ADGRL3: variants seen among roughly 807,000 people sequenced by gnomAD.
The protein encoded by ADGRL3 is calcium-independent alpha-latrotoxin receptor 3.
ADGRL3 carries 62 observed loss-of-function variants against 153.5 expected under a neutral mutation model. That is an observed-to-expected ratio of 0.40 (90% confidence interval 0.33 to 0.50). The LOEUF (loss-of-function observed/expected upper bound fraction) is 0.50. ADGRL3 is among the 20% of genes least tolerant of loss of function. The probability of loss-of-function intolerance (pLI) is 0.47; values close to 1 mark genes in which losing one functional copy is unlikely to be tolerated. For missense variants in ADGRL3, 1,641 were observed against 1,859.4 expected (o/e 0.88, Z 2.16); for synonymous variants, 710 against 672.5 (o/e 1.06, Z -0.86).
chr4:61,423,953 A>C (rs948859518), intron 2 of ADGRL3, among the ~76,000 whole-genome samples: 1 of 152,178 alleles, frequency 6.6e-6, no homozygotes, highest in African/African-American at 2.4e-5. Context: ...GAAGGAGGCC[A>C]ATAAGGGTGA....
intron 5 of ADGRL3, among the ~76,000 whole-genome samples, chr4:61,620,243 A>G (rs890361467): frequency 6.6e-6 from 1 of 152,164 alleles, no homozygotes; most frequent in African/African-American, 2.4e-5. Flanking sequence ...TAAGACATAC[A>G]TCCTAGGGCA....
intron 1 of ADGRL3, among the ~76,000 whole-genome samples, chr4:61,290,978 A>C (rs886771376): frequency 6.6e-6 from 1 of 152,042 alleles, no homozygotes; most frequent in Admixed American, 6.6e-5. Context: ...CTGGATTGCT[A>C]TCTTTAAGTC....
intron 5 of ADGRL3, among the ~76,000 whole-genome samples, chr4:61,671,018 CAG>C (rs1326890887): frequency 6.6e-6 from 1 of 152,172 alleles, no homozygotes; most frequent in South Asian, 2.1e-4. Flanking sequence ...AGCTACATAA[CAG>C]GGGTGGTACA....
intron 5 of ADGRL3, among the ~76,000 whole-genome samples, chr4:61,675,317 C>T (rs2095149463): frequency 1.3e-5 from 2 of 151,722 alleles, no homozygotes; most frequent in South Asian, 4.1e-4. Context: ...TATTATATTT[C>T]TGAAATGAAT....
chr4:61,565,225 T>TAC (rs1171350174), intron 4 of ADGRL3, among the ~76,000 whole-genome samples: 1 of 152,144 alleles, frequency 6.6e-6, no homozygotes, highest in Non-Finnish European at 1.5e-5. Context: ...TGTATGTATA[T>TAC]ACACACACAT....
chr4:61,477,777 CTA>C (rs1388571251), intron 2 of ADGRL3, among the ~76,000 whole-genome samples: 2 of 151,886 alleles, frequency 1.3e-5, no homozygotes, highest in Non-Finnish European at 2.9e-5. Flanking sequence ...GTCTTTATCT[CTA>C]TTATTTTTAA....
At chr4:61,706,425 C>CAAA (rs56955396) in intron 6 of ADGRL3, among the ~76,000 whole-genome samples, 3 of 130,050 alleles carry the variant, frequency 2.3e-5, no homozygotes, top group Non-Finnish European at 3.3e-5. Flanking sequence ...GACTCCCTCT[C>CAAA]AAAAAAAAAA....
At chr4:61,214,794 C>G (rs1468953366) in intron 1 of ADGRL3, among the ~76,000 whole-genome samples, 5 of 152,036 alleles carry the variant, frequency 3.3e-5, no homozygotes, top group Non-Finnish European at 7.4e-5. Flanking sequence ...AAAAATTAAG[C>G]AGGCATTAGG....
chr4:61,494,944 C>T (rs186481547), intron 2 of ADGRL3, among the ~76,000 whole-genome samples: 1 of 152,182 alleles, frequency 6.6e-6, no homozygotes, highest in East Asian at 1.9e-4. Flanking sequence ...TGCTATAGCA[C>T]CTACCACATG....
chr4:61,562,271 C>G (rs2098798226), intron 4 of ADGRL3, among the ~76,000 whole-genome samples: 1 of 152,046 alleles, frequency 6.6e-6, no homozygotes, highest in Non-Finnish European at 1.5e-5. Context: ...AGGATCTTTC[C>G]CTGATGCTGA....
At chr4:61,754,023 G>T (rs1014313290) in intron 8 of ADGRL3, among the ~76,000 whole-genome samples, 1 of 152,184 alleles carries the variant, frequency 6.6e-6, no homozygotes. Flanking sequence ...TCCTGAGCCT[G>T]CCGGGAAGTG....
chr4:61,881,626 C>A (rs1164423167), intron 9 of ADGRL3, among the ~76,000 whole-genome samples: 1 of 152,194 alleles, frequency 6.6e-6, no homozygotes, highest in African/African-American at 2.4e-5. Context: ...GATCTGCCTG[C>A]CTCGGCCGCC....
At chr4:61,220,702 A>G (rs1277821613) in intron 1 of ADGRL3, among the ~76,000 whole-genome samples, 2 of 152,222 alleles carry the variant, frequency 1.3e-5, no homozygotes, top group East Asian at 1.9e-4. Context: ...GTTGCTTTCA[A>G]TCTTCAGGGA....
At chr4:61,756,980 A>G (rs990454762) in intron 8 of ADGRL3, among the ~76,000 whole-genome samples, 13 of 152,176 alleles carry the variant, frequency 8.5e-5, no homozygotes, top group African/African-American at 2.9e-4. Context: ...CCACTTGATC[A>G]TGGTGGATAA....
intron 21 of ADGRL3, among the ~76,000 whole-genome samples, chr4:62,028,323 T>C (rs1720033756): frequency 6.6e-6 from 1 of 151,794 alleles, no homozygotes; most frequent in African/African-American, 2.4e-5. Flanking sequence ...CAGAAAGAGT[T>C]TTAAAGTACT....
chr4:61,754,688 A>C (rs1212798463), intron 8 of ADGRL3, among the ~76,000 whole-genome samples: 1 of 152,084 alleles, frequency 6.6e-6, no homozygotes, highest in African/African-American at 2.4e-5. Flanking sequence ...TTACATATGT[A>C]TACATGTGCC....
chr4:61,324,034 G>A (rs2150821586), intron 1 of ADGRL3, among the ~76,000 whole-genome samples: 1 of 152,290 alleles, frequency 6.6e-6, no homozygotes, highest in East Asian at 1.9e-4. Context: ...ATCTTACATG[G>A]ATGGCAGCAG....
At chr4:61,574,345 A>T (rs954590908) in intron 4 of ADGRL3, among the ~76,000 whole-genome samples, 2 of 152,000 alleles carry the variant, frequency 1.3e-5, no homozygotes, top group Non-Finnish European at 2.9e-5. Flanking sequence ...TGTAACTATC[A>T]TTCATAAAAA....
At chr4:61,549,084 A>G (rs529280284) in intron 4 of ADGRL3, among the ~76,000 whole-genome samples, 1 of 151,934 alleles carries the variant, frequency 6.6e-6, no homozygotes, top group South Asian at 2.1e-4. Flanking sequence ...TAGATATTTT[A>G]TTCTTTTTGT....
Sources: gnomAD v4.1 joint callset for allele counts (sites outside exome capture counted in the v4.1 genomes callset) on GRCh38, gnomAD v4.1.1 for gene constraint, MANE v1.5 for transcripts, NCBI Gene and HGNC (gene_info 2026-07-23, HGNC 2026-07-21) for gene names.